Variants in FYB2 observed in about 807,000 individuals in gnomAD.
FYB2 encodes FYN-binding protein 2.
Under a neutral mutation model 94.1 loss-of-function variants are expected in FYB2, and 103 were observed. The ratio of observed to expected loss-of-function variants is 1.09; its 90% CI spans 0.93 to 1.29. The LOEUF is 1.29. Among genes scored for constraint, FYB2 ranks in the 50% most tolerant of loss-of-function variants. The probability of loss-of-function intolerance (pLI) is 0.00; values close to 1 mark genes in which losing one functional copy is unlikely to be tolerated. For synonymous variants in FYB2, 293 were observed against 287.9 expected (o/e 1.02, Z -0.18); for missense variants, 896 against 841.5 (o/e 1.06, Z -0.80).
chr1:56,762,916 T>A (rs1421785066), intron 5 of FYB2, among the ~76,000 whole-genome samples: 1 of 152,136 alleles, frequency 6.6e-6, no homozygotes, highest in Non-Finnish European at 1.5e-5. Flanking sequence ...GACAATAGAG[T>A]CCCCATCTAT....
chr1:56,723,312 A>T (rs1222951660), intron 17 of FYB2, among the ~76,000 whole-genome samples: 1 of 151,986 alleles, frequency 6.6e-6, no homozygotes, highest in East Asian at 1.9e-4. Flanking sequence ...TGAAGGAGTA[A>T]CTTAACCTGG....
chr1:56,821,005 C>T (rs928265278), upstream of FYB2, among the ~76,000 whole-genome samples: 6 of 151,866 alleles, frequency 4.0e-5, no homozygotes, highest in Non-Finnish European at 8.8e-5. Flanking sequence ...AGACTCTGCT[C>T]CCAGTCAGTT....
chr1:56,791,576 T>C (rs1162758530), intron 2 of FYB2, among the ~76,000 whole-genome samples: 1 of 152,132 alleles, frequency 6.6e-6, no homozygotes, highest in East Asian at 1.9e-4. Flanking sequence ...ACTTAGATAA[T>C]ACTAAGGTGA....
At chr1:56,742,286 C>A in intron 11 of FYB2, 65 bp from the exon 12 acceptor site, 1 of 1,282,574 alleles carries the variant, frequency 7.8e-7, no homozygotes, top group Non-Finnish European at 1.1e-6. Flanking sequence ...TCATATTTAA[C>A]AAAAAGTATT....
chr1:56,722,688 G>A (rs1426097516), intron 17 of FYB2, among the ~76,000 whole-genome samples: 1 of 152,022 alleles, frequency 6.6e-6, no homozygotes, highest in African/African-American at 2.4e-5. Context: ...TGAGCAGTTT[G>A]TTGCCAAAGC....
chr1:56,824,442 A>T (rs1394457782), upstream of FYB2: 3 of 152,218 alleles, frequency 2.0e-5, no homozygotes, highest in Admixed American at 6.5e-5. Context: ...ACAAACATTC[A>T]AACCATAGCA....
chr1:56,727,312 T>C lies in FYB2; in HGVS notation c.1794-729A>G, dbSNP rs183708873. On this transcript the variant is annotated intron_variant, in intron 15 of 19. Coordinates refer to ENST00000343433, the MANE Select transcript of FYB2 (RefSeq NM_001004303.5). ...TTGGCATTTTCTTATGAATTTGCAT[T>C]CCCTATAATTTGCATTTTTTCCCCT... Among the ~76,000 whole-genome samples, 354 of 152,184 alleles carry C rather than the reference T, an allele frequency of 2.3e-3. 1 individual carries two copies. Among genetic ancestry groups the C allele is most frequent in the African/African-American group, 8.2e-3 (342 of 41,544 alleles).
chr1:56,733,428 C>A (rs573773263), intron 15 of FYB2, among the ~76,000 whole-genome samples: 1 of 152,078 alleles, frequency 6.6e-6, no homozygotes, highest in South Asian at 2.1e-4. Flanking sequence ...GTGTCTCTAT[C>A]TCCTTCAGTT....
intron 11 of FYB2, 112 bp downstream of exon 11, chr1:56,743,914 C>A: frequency 8.5e-7 from 1 of 1,181,264 alleles, no homozygotes; most frequent in Non-Finnish European, 1.2e-6. Context: ...TAGCTTCCCA[C>A]AAATTGGCAT....
At chr1:56,769,041 T>G (rs1645692594) in intron 4 of FYB2, among the ~76,000 whole-genome samples, 1 of 152,008 alleles carries the variant, frequency 6.6e-6, no homozygotes, top group Non-Finnish European at 1.5e-5. Context: ...ATTAGTATTA[T>G]TATTATATAT....
intron 4 of FYB2, among the ~76,000 whole-genome samples, chr1:56,784,983 T>C (rs1348709751): frequency 1.3e-5 from 2 of 152,296 alleles, no homozygotes; most frequent in African/African-American, 4.8e-5. Context: ...TCTTTATCTC[T>C]TTTGCCTGTC....
At chr1:56,768,875 A>G (rs17372038) in intron 4 of FYB2, among the ~76,000 whole-genome samples, 3,832 of 152,292 alleles carry the variant, frequency 0.025, 59 homozygotes, top group African/African-American at 0.035. Flanking sequence ...AAAAGCCATT[A>G]GGTAAAAACA....
chr1:56,751,210 A>G lies in FYB2; in HGVS notation c.1228-7T>C, dbSNP rs1006064958. On this transcript the variant is annotated splice_region_variant and splice_polypyrimidine_tract_variant and intron_variant, in intron 8 of 19. Coordinates refer to ENST00000343433, the MANE Select transcript of FYB2 (RefSeq NM_001004303.5). Reference sequence around the variant, plus strand: ...TCCCTTCACAGGCATCTACCTAAACATATGCAAAAGGGAGAATACTGTAGG... The same window carrying G: ...TCCCTTCACAGGCATCTACCTAAACGTATGCAAAAGGGAGAATACTGTAGG... The G allele has an allele frequency of 4.3e-6, 7 of 1,611,968 alleles. No homozygotes were observed. The highest frequency in any genetic ancestry group is 5.1e-6 in the Non-Finnish European group (6 of 1,178,816).
intron 3 of FYB2, among the ~76,000 whole-genome samples, chr1:56,788,681 A>C (rs532879152): frequency 3.8e-4 from 58 of 152,138 alleles, no homozygotes; most frequent in Non-Finnish European, 7.2e-4. Flanking sequence ...GGAAACACAA[A>C]GGTTCAGTGA....
At chr1:56,744,089 C>T (rs1645017242) in intron 10 of FYB2, 23 bp from the exon 11 acceptor site, 2 of 1,612,470 alleles carry the variant, frequency 1.2e-6, no homozygotes. Flanking sequence ...ATAACAAAGA[C>T]CATTATTGTA....
At chr1:56,785,016 C>A (rs1278637019) in intron 4 of FYB2, among the ~76,000 whole-genome samples, 1 of 152,174 alleles carries the variant, frequency 6.6e-6, no homozygotes, top group African/African-American at 2.4e-5. Context: ...CTATGGCCCA[C>A]ATCATAATCA....
intron 4 of FYB2, among the ~76,000 whole-genome samples, chr1:56,773,712 G>C (rs112046587): frequency 6.6e-6 from 1 of 152,142 alleles, no homozygotes; most frequent in Non-Finnish European, 1.5e-5. Context: ...ATTGAGACTT[G>C]AACAACAAAA....
intron 3 of FYB2, chr1:56,788,754 T>A: frequency 1.7e-6 from 1 of 583,566 alleles, no homozygotes. Context: ...TCAAATGCAG[T>A]GCTCTCAGGG....
At chr1:56,737,007 G>A in intron 15 of FYB2, 80 bp downstream of exon 15, 1 of 1,066,194 alleles carries the variant, frequency 9.4e-7, no homozygotes. Flanking sequence ...CTGAAAAGAT[G>A]GTTCTGTGAT....
Sources: gnomAD v4.1 joint callset for allele counts (sites outside exome capture counted in the v4.1 genomes callset) on GRCh38, gnomAD v4.1.1 for gene constraint, MANE v1.5 for transcripts, NCBI Gene and HGNC (gene_info 2026-07-23, HGNC 2026-07-21) for gene names.